SEPTIN7: variants seen among roughly 807,000 people sequenced by gnomAD.
The protein encoded by SEPTIN7 is septin 7.
In SEPTIN7, 10 loss-of-function variants were observed where a neutral mutation model predicts 63.3. The observed-to-expected ratio is 0.16, with a 90% CI of 0.10 to 0.27. The LOEUF (loss-of-function observed/expected upper bound fraction) is 0.27. Ranked by LOEUF, SEPTIN7 falls within the 10% of genes least tolerant of loss-of-function variation. The probability of loss-of-function intolerance (pLI) is 1.00; values close to 1 mark genes in which losing one functional copy is unlikely to be tolerated. For missense variants in SEPTIN7, 310 were observed against 521.0 expected (o/e 0.59, Z 3.94); for synonymous variants, 131 against 165.3 (o/e 0.79, Z 1.59).
At chr7:35,886,777 T>C (rs1787276906) in intron 10 of SEPTIN7, among the ~76,000 whole-genome samples, 1 of 152,168 alleles carries the variant, frequency 6.6e-6, no homozygotes, top group African/African-American at 2.4e-5. Context: ...TACATAAATA[T>C]GGATAATAGT....
intron 11 of SEPTIN7, among the ~76,000 whole-genome samples, chr7:35,892,966 C>T (rs538077712): frequency 6.6e-6 from 1 of 152,194 alleles, no homozygotes; most frequent in Admixed American, 6.5e-5. Flanking sequence ...GCATACTGAA[C>T]CTGAAAGAAA....
intron 12 of SEPTIN7, chr7:35,900,250 CTGT>C (rs1788236662): frequency 1.3e-5 from 2 of 152,146 alleles, no homozygotes; most frequent in Admixed American, 6.5e-5. Context: ...AAATCTTTCA[CTGT>C]TGTTATATTT....
At chr7:35,815,243 G>A in intron 1 of SEPTIN7, 2 of 384,666 alleles carry the variant, frequency 5.2e-6, no homozygotes, top group South Asian at 3.9e-5. Context: ...TTTGAGAGTA[G>A]TGATTAAGAA....
rs533828659 is a variant in SEPTIN7, at chr7:35,903,072, T to G, written c.1135-4T>G. 2 of 1,538,332 alleles carry G rather than the reference T, an allele frequency of 1.3e-6. No individual in the cohort carries two copies. The highest frequency in any genetic ancestry group is 2.4e-5 in the East Asian group (1 of 41,040). Reference sequence around the variant, plus strand: ...TTTGTTTTATATATTGTGCTATGATTTAGCTCCAGCGGCGCCATGAGCAAA... The same window carrying G: ...TTTGTTTTATATATTGTGCTATGATGTAGCTCCAGCGGCGCCATGAGCAAA... On this transcript the variant is annotated splice_polypyrimidine_tract_variant and splice_region_variant and intron_variant, in intron 12 of 13. Transcript: ENST00000350320.
At chr7:35,888,328 G>A (rs1039903408) in intron 10 of SEPTIN7, among the ~76,000 whole-genome samples, 2 of 152,154 alleles carry the variant, frequency 1.3e-5, no homozygotes, top group Non-Finnish European at 2.9e-5. Context: ...TAGTCGTATA[G>A]AAGACTTTAG....
At chr7:35,875,239 T>C (rs1229426743) in intron 6 of SEPTIN7, among the ~76,000 whole-genome samples, 2 of 152,154 alleles carry the variant, frequency 1.3e-5, no homozygotes, top group African/African-American at 2.4e-5. Flanking sequence ...TCACAAGGGG[T>C]AAGATGTTTA....
At chr7:35,847,434 G>A (rs1213345054) in intron 3 of SEPTIN7, 2 of 162,026 alleles carry the variant, frequency 1.2e-5, no homozygotes, top group Middle Eastern at 5.2e-4. Context: ...CATTGTCTTG[G>A]TGAGGTCCAC....
chr7:35,864,596 GATA>G (rs1785701096), intron 4 of SEPTIN7, among the ~76,000 whole-genome samples: 1 of 152,110 alleles, frequency 6.6e-6, no homozygotes, highest in Non-Finnish European at 1.5e-5. Flanking sequence ...ATACTGCAGT[GATA>G]ATATTTTGGA....
downstream of SEPTIN7, among the ~76,000 whole-genome samples, chr7:35,908,564 A>T (rs546067011): frequency 1.3e-5 from 2 of 152,104 alleles, no homozygotes; most frequent in Non-Finnish European, 2.9e-5. Flanking sequence ...CTGAAACCCT[A>T]TGGGGGTGGG....
chr7:35,873,814 G>T (rs372025303), intron 6 of SEPTIN7, 39 bp downstream of exon 6: 114 of 1,587,126 alleles, frequency 7.2e-5, no homozygotes, highest in Non-Finnish European at 9.3e-5. Context: ...TTTTGTTGTT[G>T]TTGCTTACTG....
At chr7:35,876,608 A>G (rs1489107263) in intron 6 of SEPTIN7, among the ~76,000 whole-genome samples, 3 of 152,204 alleles carry the variant, frequency 2.0e-5, no homozygotes, top group Admixed American at 2.0e-4. Flanking sequence ...GGACCAAGGC[A>G]GGAGGACCAT....
chr7:35,911,797 G>A (rs1284470386), downstream of SEPTIN7, among the ~76,000 whole-genome samples: 1 of 152,148 alleles, frequency 6.6e-6, no homozygotes, highest in Non-Finnish European at 1.5e-5. Context: ...GAATAAAAAA[G>A]CATCTAGAAA....
At chr7:35,912,844 T>TG in the SEPTIN7 span, among the ~76,000 whole-genome samples, 1 of 152,276 alleles carries the variant, frequency 6.6e-6, no homozygotes, top group Non-Finnish European at 1.5e-5. Context: ...ATGACGCTGT[T>TG]GCAGAAATTC....
Position 35,904,839 on chromosome 7 carries a change from C to T in SEPTIN7, c.*546C>T, listed in dbSNP as rs1447634740. On this transcript the variant is annotated 3_prime_UTR_variant, in exon 14 of 14. Transcript: ENST00000350320. Reference sequence around the variant, plus strand: ...AAAACCCTATATGCTTACTGTGCACCTAGAGCTTTTTTATAACAACGTCTT... The same window carrying T: ...AAAACCCTATATGCTTACTGTGCACTTAGAGCTTTTTTATAACAACGTCTT... 1 of 151,028 alleles carries T rather than the reference C, an allele frequency of 6.6e-6. No homozygotes were observed. The highest frequency in any genetic ancestry group is 2.4e-5 in the African/African-American group (1 of 41,100). 9.4% of individuals were successfully genotyped at this position (151,028 alleles called of 1,614,324 possible). A position where few individuals can be genotyped will look rare whatever the true frequency, so the allele number is the denominator to read the frequency against.
intron 1 of SEPTIN7, among the ~76,000 whole-genome samples, chr7:35,819,348 C>T (rs780110161): frequency 2.0e-5 from 3 of 152,084 alleles, no homozygotes; most frequent in African/African-American, 7.2e-5. Flanking sequence ...TAAATTGAGA[C>T]GTGTTTTGTG....
At chr7:35,909,116 G>A (rs1468242366), downstream of SEPTIN7, among the ~76,000 whole-genome samples, 2 of 152,022 alleles carry the variant, frequency 1.3e-5, 1 homozygote, top group East Asian at 3.9e-4. Flanking sequence ...CATAATAGGA[G>A]CTGTCCAATT....
chr7:35,871,740 C>G (rs1182993999), intron 4 of SEPTIN7, among the ~76,000 whole-genome samples: 2 of 152,166 alleles, frequency 1.3e-5, no homozygotes, highest in African/African-American at 4.8e-5. Context: ...CTTGGAGCCT[C>G]TAGCCTTAAT....
chr7:35,806,742 GT>G (rs1200434435), intron 1 of SEPTIN7, among the ~76,000 whole-genome samples: 11 of 152,198 alleles, frequency 7.2e-5, no homozygotes, highest in African/African-American at 2.6e-4. Context: ...CCATGAATTA[GT>G]TTTTTTGTTT....
chr7:35,850,893 TTAA>T (rs1447179484), intron 3 of SEPTIN7, among the ~76,000 whole-genome samples: 1 of 152,154 alleles, frequency 6.6e-6, no homozygotes, highest in Admixed American at 6.5e-5. Context: ...AATCTAGAGA[TTAA>T]TAAGAAATGT....
Sources: gnomAD v4.1 joint callset for allele counts (sites outside exome capture counted in the v4.1 genomes callset) on GRCh38, gnomAD v4.1.1 for gene constraint, MANE v1.5 for transcripts, NCBI Gene and HGNC (gene_info 2026-07-23, HGNC 2026-07-21) for gene names.